RETREG1: variants seen among roughly 807,000 people sequenced by gnomAD.
RETREG1 encodes the protein reticulophagy regulator 1.
Under a neutral mutation model 54.8 loss-of-function variants are expected in RETREG1, and 44 were observed. The observed-to-expected ratio is 0.80, with a 90% CI of 0.63 to 1.03. The LOEUF (loss-of-function observed/expected upper bound fraction) is 1.03. Ranked by LOEUF, RETREG1 falls within the 50% of genes least tolerant of loss-of-function variation. The pLI, the probability that RETREG1 is intolerant of heterozygous loss-of-function variation, is 0.00. For missense variants in RETREG1, 554 were observed against 605.1 expected (o/e 0.92, Z 0.89); for synonymous variants, 217 against 238.5 (o/e 0.91, Z 0.83).
intron 1 of RETREG1, among the ~76,000 whole-genome samples, chr5:16,598,873 G>T (rs1742972932): frequency 6.6e-6 from 1 of 152,110 alleles, no homozygotes; most frequent in Non-Finnish European, 1.5e-5. Context: ...CACAAATCAT[G>T]CTCTATTTGT....
chr5:16,529,470 G>C lies in RETREG1; in HGVS notation c.458+36293C>G, dbSNP rs334486. Among the ~76,000 whole-genome samples, 3 of 152,238 alleles carry C rather than the reference G, an allele frequency of 2.0e-5. No homozygotes were observed. In the East Asian group the frequency reaches 5.8e-4, roughly 29 times the overall value. ...AGGTAAATATTGTGTTGCTAGGACT[G>C]AAATTGCCCTGCCACATGGGTCGCC... On this transcript the variant is annotated intron_variant, in intron 3 of 8. Transcript: ENST00000306320.
chr5:16,614,776 C>G lies in RETREG1; in HGVS notation c.320+1876G>C, dbSNP rs137929214. On this transcript the variant is annotated intron_variant, in intron 1 of 8. Transcript: ENST00000306320. The stretch of plus-strand genomic sequence containing the variant: ...GAAACATTACTGCCTCAGTAGGAGA[C>G]AGGTTAAGTAATTTGAGACATCCTT... 8.4e-3 allele frequency among the ~76,000 whole-genome samples: 1,281 copies of G among 152,236 alleles called. 20 individuals carry two copies. Among genetic ancestry groups the G allele is most frequent in the African/African-American group, 0.028 (1,152 of 41,540 alleles).
intron 5 of RETREG1, among the ~76,000 whole-genome samples, chr5:16,479,515 C>A (rs1344537086): frequency 2.6e-5 from 4 of 152,072 alleles, no homozygotes; most frequent in Non-Finnish European, 4.4e-5. Flanking sequence ...TAAATGAAAT[C>A]AATGCAAACC....
At chr5:16,527,846 G>C (rs960992954) in intron 3 of RETREG1, among the ~76,000 whole-genome samples, 1 of 105,422 alleles carries the variant, frequency 9.5e-6, no homozygotes, top group Admixed American at 1.4e-4. Flanking sequence ...GTCTCGCTCC[G>C]TCGCCCAGAT....
intron 3 of RETREG1, among the ~76,000 whole-genome samples, chr5:16,525,232 G>A (rs1479396375): frequency 2.0e-5 from 3 of 150,874 alleles, no homozygotes; most frequent in African/African-American, 7.3e-5. Context: ...TTGCGAGGGG[G>A]ACACTGTGCT....
At chr5:16,490,684 T>C (rs1401849112) in intron 3 of RETREG1, among the ~76,000 whole-genome samples, 1 of 152,170 alleles carries the variant, frequency 6.6e-6, no homozygotes, top group African/African-American at 2.4e-5. Context: ...AGCTATCTTG[T>C]TCAAGGTCAC....
rs1297355427 is a variant in RETREG1, at chr5:16,593,979, CA to C, written c.321-21878del. Among the ~76,000 whole-genome samples the C allele has an allele frequency of 6.6e-6, 1 of 152,252 alleles. No individual in the cohort carries two copies. The highest frequency in any genetic ancestry group is 1.5e-5 in the Non-Finnish European group (1 of 68,042). The stretch of plus-strand genomic sequence containing the variant: ...ACAAAAAGCCAAAGATCATCACTGA[CA>C]TTCTGGGGATGGTAGCCCATGATTG... On this transcript the variant is annotated intron_variant, in intron 1 of 8. Coordinates refer to ENST00000306320, the MANE Select transcript of RETREG1 (RefSeq NM_001034850.3). This position sits in a 1 kb window ranked among gnomAD's most constrained non-coding sequence, Gnocchi z 4.9.
At chr5:16,553,743 C>A (rs1333913218) in intron 3 of RETREG1, among the ~76,000 whole-genome samples, 1 of 151,974 alleles carries the variant, frequency 6.6e-6, no homozygotes, top group African/African-American at 2.4e-5. Context: ...ATAATAGGTT[C>A]ATGTATATTC....
rs771277020 is a variant in RETREG1, at chr5:16,572,060, G to C, written c.363C>G (p.Ser121=). The change falls in exon 2 of 9, where the codon TCC becomes TCG. Residue 121 remains serine, a synonymous_variant. Transcript: ENST00000306320. ...TAATAACACGCCCAAGTATCATGAC[G>C]GAAATCAGGTGATATACTCTCCATG... ...LTPWRVYHLI[S]VMILGRVIMQ... The C allele has an allele frequency of 5.0e-6, 8 of 1,613,684 alleles. No homozygotes were observed. The highest frequency in any genetic ancestry group is 1.7e-5 in the Admixed American group (1 of 59,994).
chr5:16,599,521 A>G (rs2126355725), intron 1 of RETREG1, among the ~76,000 whole-genome samples: 1 of 152,210 alleles, frequency 6.6e-6, no homozygotes, highest in East Asian at 1.9e-4. Flanking sequence ...GAGAACTTGG[A>G]TACCTTGCCC....
chr5:16,615,610 G>A (rs1379415771), intron 1 of RETREG1, among the ~76,000 whole-genome samples: 14 of 151,990 alleles, frequency 9.2e-5, no homozygotes, highest in Non-Finnish European at 1.6e-4. Context: ...ATACCTAAGA[G>A]ATCCAAAGTT....
intron 1 of RETREG1, among the ~76,000 whole-genome samples, chr5:16,599,176 C>T (rs531767132): frequency 1.3e-4 from 20 of 152,104 alleles, no homozygotes; most frequent in Admixed American, 1.0e-3. Flanking sequence ...CACTGCACTC[C>T]GGCCTGGGCA....
chr5:16,483,159 G>T, intron 4 of RETREG1, 187 bp downstream of exon 4: 1 of 630,748 alleles, frequency 1.6e-6, no homozygotes, highest in Non-Finnish European at 2.8e-6. Flanking sequence ...ACAATGTGAG[G>T]CTGAGGATTA....
chr5:16,485,934 T>A (rs773040261), intron 3 of RETREG1, among the ~76,000 whole-genome samples: 5 of 152,202 alleles, frequency 3.3e-5, no homozygotes, highest in Admixed American at 1.3e-4. Context: ...AGATAAACAC[T>A]ATTTGCTGGA....
intron 3 of RETREG1, among the ~76,000 whole-genome samples, chr5:16,488,201 G>GCTC (rs1251376652): frequency 7.2e-5 from 11 of 152,242 alleles, no homozygotes; most frequent in African/African-American, 2.2e-4. Context: ...TTCTGGGCAA[G>GCTC]ACGGTGTGAG....
At chr5:16,499,071 ATTT>A (rs70938055) in intron 3 of RETREG1, among the ~76,000 whole-genome samples, 1 of 145,914 alleles carries the variant, frequency 6.9e-6, no homozygotes, top group African/African-American at 2.5e-5. Context: ...TTAATTTTTG[ATTT>A]TTTTTTTTTA....
chr5:16,601,569 G>A (rs1480145613), intron 1 of RETREG1, among the ~76,000 whole-genome samples: 1 of 151,848 alleles, frequency 6.6e-6, no homozygotes, highest in Non-Finnish European at 1.5e-5. Flanking sequence ...GCTAATTTTT[G>A]TATTTTTGTA....
At position 16,473,727 on chromosome 5, in the gene RETREG1, T is replaced by A. The variant is rs1738403553; in HGVS notation, c.*1014A>T. 1 of 152,270 alleles carries A rather than the reference T, an allele frequency of 6.6e-6. No individual in the cohort carries two copies. Among genetic ancestry groups the A allele is most frequent in the Non-Finnish European group, 1.5e-5 (1 of 68,004 alleles). 9.4% of individuals were successfully genotyped at this position (152,270 alleles called of 1,614,324 possible). A position where few individuals can be genotyped will look rare whatever the true frequency, so the allele number is the denominator to read the frequency against. ...TTCTATCTTCCCAATAAGAAACAGA[T>A]TCCATATTTATACTTAAATGGCAAA... is the stretch of plus-strand genomic sequence containing the variant. On this transcript the variant is annotated 3_prime_UTR_variant, in exon 9 of 9. Transcript: ENST00000306320.
intron 3 of RETREG1, among the ~76,000 whole-genome samples, chr5:16,543,611 G>A (rs1741306354): frequency 1.3e-5 from 2 of 151,918 alleles, no homozygotes; most frequent in Admixed American, 1.3e-4. Flanking sequence ...AGGAGGCGGA[G>A]GTTGCAGTGA....
Sources: allele counts gnomAD v4.1 joint callset (sites outside exome capture counted in the v4.1 genomes callset), GRCh38; gene constraint gnomAD v4.1.1; non-coding constraint Gnocchi (gnomAD v3.1); transcripts MANE v1.5; gene names NCBI Gene and HGNC (gene_info 2026-07-23, HGNC 2026-07-21).